Variants in COG5 observed in about 807,000 individuals in gnomAD.
COG5 encodes the protein conserved oligomeric Golgi complex subunit 5.
COG5 carries 86 observed loss-of-function variants against 110.4 expected under a neutral mutation model. That is an observed-to-expected ratio of 0.78 (90% CI 0.65 to 0.93). The LOEUF is 0.93. Among genes scored for constraint, COG5 ranks in the 40% least tolerant of loss-of-function variants. The pLI is 0.00. For synonymous variants in COG5, 360 were observed against 334.6 expected (o/e 1.08, Z -0.83); for missense variants, 1,077 against 987.0 (o/e 1.09, Z -1.22).
rs1804244865 is a variant in COG5 at position 107,563,907 on chromosome 7, G to A, written c.-11C>T. 8 of 1,613,490 alleles carry A rather than the reference G, an allele frequency of 5.0e-6. No homozygotes were observed. The highest frequency in any genetic ancestry group is 2.2e-5 in the East Asian group (1 of 44,882). Reference sequence around the variant, plus strand: ...GCCGCCACCTTCCATGTTGGCAGGTGCCGGGTTGATGTCGTCAGCAGCAGA... The same window carrying A: ...GCCGCCACCTTCCATGTTGGCAGGTACCGGGTTGATGTCGTCAGCAGCAGA... On this transcript the variant is annotated 5_prime_UTR_variant, in exon 1 of 22. Coordinates refer to ENST00000297135, the MANE Select transcript of COG5 (RefSeq NM_006348.5).
intron 6 of COG5, among the ~76,000 whole-genome samples, chr7:107,440,647 G>C (rs1051624059): frequency 4.6e-5 from 7 of 152,090 alleles, no homozygotes; most frequent in Admixed American, 6.5e-5. Flanking sequence ...TCTGGGGAGG[G>C]AAAAGAGGCT....
At chr7:107,500,809 A>C (rs994771217) in intron 6 of COG5, among the ~76,000 whole-genome samples, 43 of 152,116 alleles carry the variant, frequency 2.8e-4, no homozygotes, top group African/African-American at 1.0e-3. Context: ...AAAACAAATG[A>C]ATAAAACTGC....
At position 107,527,335 on chromosome 7, in the gene COG5, C is replaced by T. The variant is rs1229476154; in HGVS notation, c.440G>A (p.Arg147Lys). ...ACTGAGATTCAAGATACGAATAATC[C>T]TCCGAAGCAAATCACAGGCAACCTG... The part of the protein sequence containing the change: ...RLQVACDLLR[R>K]IIRILNLSKR... The change falls in exon 6 of 22, where the codon AGG becomes AAG. Residue 147 changes from arginine (R) to lysine (K), a missense_variant. By Grantham distance (26) the Arg-to-Lys change is conservative. Transcript: ENST00000297135. The T allele has an allele frequency of 1.3e-5, 21 of 1,613,338 alleles. No homozygotes were observed. The highest frequency in any genetic ancestry group is 3.3e-5 in the Admixed American group (2 of 59,966).
At chr7:107,401,479 T>C (rs1229193110) in intron 7 of COG5, among the ~76,000 whole-genome samples, 1 of 152,130 alleles carries the variant, frequency 6.6e-6, no homozygotes, top group African/African-American at 2.4e-5. Flanking sequence ...CAGGTCTCCA[T>C]TAAATCTAAT....
intron 6 of COG5, among the ~76,000 whole-genome samples, chr7:107,479,020 G>T (rs73187382): frequency 1.3e-5 from 2 of 151,968 alleles, no homozygotes; most frequent in Admixed American, 1.3e-4. Context: ...CAGATACTTT[G>T]AATTATATGA....
chr7:107,377,335 A>C (rs921865440), intron 7 of COG5, among the ~76,000 whole-genome samples: 1 of 152,074 alleles, frequency 6.6e-6, no homozygotes, highest in Non-Finnish European at 1.5e-5. Context: ...ATTTCATCTA[A>C]ATTTTCAAAT....
chr7:107,417,952 G>C (rs1201143544), intron 6 of COG5, among the ~76,000 whole-genome samples: 1 of 151,794 alleles, frequency 6.6e-6, no homozygotes, highest in Non-Finnish European at 1.5e-5. Flanking sequence ...TGATTTTTAA[G>C]TTATTTGTTT....
chr7:107,387,116 G>A (rs1356929882), intron 7 of COG5, among the ~76,000 whole-genome samples: 1 of 152,176 alleles, frequency 6.6e-6, no homozygotes, highest in Non-Finnish European at 1.5e-5. Context: ...CAAGGCAATC[G>A]AGTATTTCTT....
At chr7:107,283,422 G>T in intron 13 of COG5, 149 bp downstream of exon 13, 1 of 642,716 alleles carries the variant, frequency 1.6e-6, no homozygotes, top group South Asian at 2.0e-5. Context: ...CTTACTATGT[G>T]TGCACTCATT....
intron 5 of COG5, among the ~76,000 whole-genome samples, chr7:107,545,012 G>A (rs149502888): frequency 3.4e-4 from 52 of 152,202 alleles, no homozygotes; most frequent in African/African-American, 1.3e-3. Context: ...ATTCCAAAGA[G>A]AGCTTCAACA....
intron 19 of COG5, among the ~76,000 whole-genome samples, chr7:107,224,972 A>G (rs1800217883): frequency 6.6e-6 from 1 of 152,250 alleles, no homozygotes; most frequent in African/African-American, 2.4e-5. Context: ...ATCACCATCA[A>G]GAAGAAAGTG....
At chr7:107,416,515 A>T (rs4730239) in intron 6 of COG5, among the ~76,000 whole-genome samples, 22,824 of 152,202 alleles carry the variant, frequency 0.15, 2,218 homozygotes, top group Non-Finnish European at 0.21. Context: ...CAGATACGTT[A>T]TTCTAATACA....
chr7:107,307,700 G>C (rs1159058416), intron 11 of COG5, among the ~76,000 whole-genome samples: 3 of 152,130 alleles, frequency 2.0e-5, no homozygotes, highest in Non-Finnish European at 2.9e-5. Flanking sequence ...ATAAGTGGGA[G>C]CTAAGCTATA....
chr7:107,215,729 T>G (rs1489416668), intron 19 of COG5, among the ~76,000 whole-genome samples: 1 of 151,624 alleles, frequency 6.6e-6, no homozygotes, highest in East Asian at 2.0e-4. Flanking sequence ...CTCACTTCTT[T>G]TTTTTTTTTG....
intron 10 of COG5, among the ~76,000 whole-genome samples, chr7:107,359,977 G>A (rs1367509870): frequency 3.3e-5 from 5 of 152,304 alleles, no homozygotes; most frequent in African/African-American, 4.8e-5. Context: ...CAGGTGGCAA[G>A]ATGACCTACC....
chr7:107,318,746 A>G (rs1808984883), intron 11 of COG5, among the ~76,000 whole-genome samples: 2 of 152,278 alleles, frequency 1.3e-5, no homozygotes, highest in South Asian at 2.1e-4. Flanking sequence ...CAGTAATCCT[A>G]TAAGATCAGG....
intron 12 of COG5, among the ~76,000 whole-genome samples, chr7:107,293,132 G>C (rs1270390328): frequency 1.3e-5 from 2 of 152,128 alleles, no homozygotes; most frequent in Non-Finnish European, 2.9e-5. Flanking sequence ...GGTCCTTTCA[G>C]TTTATATTTC....
intron 15 of COG5, among the ~76,000 whole-genome samples, chr7:107,257,029 G>A (rs1802941526): frequency 6.6e-6 from 1 of 152,078 alleles, no homozygotes; most frequent in South Asian, 2.1e-4. Context: ...AATACTAAGA[G>A]CTAGGTTTCC....
At chr7:107,257,968 T>C (rs1025226015) in intron 15 of COG5, among the ~76,000 whole-genome samples, 3 of 152,144 alleles carry the variant, frequency 2.0e-5, no homozygotes, top group African/African-American at 7.2e-5. Context: ...GTGTATCAAA[T>C]TACATGTTTC....
Sources: allele counts gnomAD v4.1 joint callset (sites outside exome capture counted in the v4.1 genomes callset), GRCh38; gene constraint gnomAD v4.1.1; transcripts MANE v1.5; gene names NCBI Gene and HGNC (gene_info 2026-07-23, HGNC 2026-07-21).